CEP85L: variants seen among roughly 807,000 people sequenced by gnomAD.
CEP85L encodes centrosomal protein of 85 kDa-like.
CEP85L carries 60 observed loss-of-function variants against 100.3 expected under a neutral mutation model. The observed-to-expected ratio is 0.60, with a 90% CI of 0.49 to 0.74. The LOEUF (loss-of-function observed/expected upper bound fraction) is 0.74, where lower values mean the gene tolerates loss of function less well. Among genes scored for constraint, CEP85L ranks in the 30% least tolerant of loss-of-function variants. The pLI is 0.00. For missense variants in CEP85L, 973 were observed against 936.2 expected, an observed-to-expected ratio of 1.04 and a Z score of -0.51; for synonymous variants, 319 against 322.7, an observed-to-expected ratio of 0.99 and a Z score of 0.12.
chr6:118,511,228 T>C (rs755860566), intron 5 of CEP85L, 70 bp downstream of exon 5: 52 of 911,710 alleles, frequency 5.7e-5, no homozygotes, highest in Non-Finnish European at 8.9e-5. Context: ...TGTCCTTATA[T>C]TACAAGGTAA....
intron 8 of CEP85L, 49 bp downstream of exon 8, chr6:118,481,730 T>C: frequency 3.6e-6 from 4 of 1,100,566 alleles, no homozygotes; most frequent in South Asian, 3.7e-5. Flanking sequence ...AAATGTTTTA[T>C]GAAAAATACG....
intron 1 of CEP85L, among the ~76,000 whole-genome samples, chr6:118,634,389 A>C (rs1774357246): frequency 6.6e-6 from 1 of 152,228 alleles, no homozygotes; most frequent in South Asian, 2.1e-4. Flanking sequence ...ACTTTTAATA[A>C]AACATTGTCA....
At chr6:118,709,556 TGAGA>T (rs150548831) in intron 1 of CEP85L, among the ~76,000 whole-genome samples, 25 of 142,302 alleles carry the variant, frequency 1.8e-4, no homozygotes, top group Middle Eastern at 3.5e-3. Context: ...TGTGTGTGTG[TGAGA>T]GAGAGAGAGA....
chr6:118,499,378 A>G (rs1775126983), intron 5 of CEP85L, among the ~76,000 whole-genome samples: 1 of 152,002 alleles, frequency 6.6e-6, no homozygotes, highest in Admixed American at 6.5e-5. Flanking sequence ...ATGATTAAAA[A>G]CTCTTGGCCA....
intron 3 of CEP85L, among the ~76,000 whole-genome samples, chr6:118,561,375 T>C (rs1439519407): frequency 6.6e-6 from 1 of 152,144 alleles, no homozygotes. Context: ...AATAACTAAT[T>C]TTTTTGTTCT....
At chr6:118,549,236 A>C (rs545484751) in intron 3 of CEP85L, among the ~76,000 whole-genome samples, 1 of 152,004 alleles carries the variant, frequency 6.6e-6, no homozygotes, top group South Asian at 2.1e-4. Flanking sequence ...TAGTTTTGTC[A>C]AGTTATTATC....
chr6:118,545,926 TA>T (rs1436295297), intron 3 of CEP85L, among the ~76,000 whole-genome samples: 2 of 152,164 alleles, frequency 1.3e-5, no homozygotes, highest in Non-Finnish European at 2.9e-5. Context: ...GTTATTTGTA[TA>T]AAGCCATGTG....
intron 1 of CEP85L, among the ~76,000 whole-genome samples, chr6:118,706,366 G>C (rs1777592901): frequency 6.6e-6 from 1 of 152,154 alleles, no homozygotes; most frequent in Admixed American, 6.5e-5. Context: ...GTCAAGACCT[G>C]TTGATATTCT....
intron 2 of CEP85L, among the ~76,000 whole-genome samples, chr6:118,603,056 A>T (rs941353624): frequency 6.6e-6 from 1 of 152,098 alleles, no homozygotes; most frequent in Non-Finnish European, 1.5e-5. Context: ...TCCTGACCTC[A>T]TGATCCACCC....
chr6:118,701,341 C>T (rs1777398234), intron 1 of CEP85L, among the ~76,000 whole-genome samples: 1 of 152,198 alleles, frequency 6.6e-6, no homozygotes, highest in African/African-American at 2.4e-5. Context: ...CACCACAGCA[C>T]TATTCACAAT....
intron 5 of CEP85L, among the ~76,000 whole-genome samples, chr6:118,495,152 A>T (rs1024043341): frequency 6.6e-6 from 1 of 151,922 alleles, no homozygotes; most frequent in South Asian, 2.1e-4. Flanking sequence ...AAAAAACAAC[A>T]TGCCTTGTTT....
chr6:118,594,885 A>C (rs1384867433), intron 2 of CEP85L, among the ~76,000 whole-genome samples: 1 of 151,770 alleles, frequency 6.6e-6, no homozygotes, highest in African/African-American at 2.4e-5. Flanking sequence ...ACAAAACAAA[A>C]AAAAAAAACC....
intron 2 of CEP85L, among the ~76,000 whole-genome samples, chr6:118,628,642 AAAC>A (rs1773954753): frequency 7.1e-5 from 1 of 14,146 alleles, no homozygotes; most frequent in Non-Finnish European, 2.4e-4. Context: ...CCAAAAAAAC[AAAC>A]AAACAAACAA....
chr6:118,680,910 T>G (rs947402601), intron 1 of CEP85L, among the ~76,000 whole-genome samples: 2 of 151,024 alleles, frequency 1.3e-5, no homozygotes. Flanking sequence ...GACTCTAAAG[T>G]GCCTGACTAA....
chr6:118,469,016 T>G lies in CEP85L; in HGVS notation c.2254+56A>C. Reference sequence around the variant, plus strand: ...GAAAAGGCAGTCGGAAGTTCCTGATTCATGAAGATAGGTTTCTAATTGCCA... The same window carrying G: ...GAAAAGGCAGTCGGAAGTTCCTGATGCATGAAGATAGGTTTCTAATTGCCA... On this transcript the variant is annotated intron_variant, in intron 12 of 12. Coordinates refer to ENST00000368491, the MANE Select transcript of CEP85L (RefSeq NM_001042475.3). The G allele has an allele frequency of 3.3e-6, 4 of 1,195,086 alleles. No homozygotes were observed. The Admixed American group carries it at 7.1e-5, about 21-fold the overall frequency. The allele number at this position is 1,195,086 out of a possible 1,614,324, so 74.0% of individuals were successfully genotyped here.
At chr6:118,508,199 T>C (rs1201102840) in intron 5 of CEP85L, among the ~76,000 whole-genome samples, 1 of 151,842 alleles carries the variant, frequency 6.6e-6, no homozygotes, top group African/African-American at 2.4e-5. Flanking sequence ...TAAATGTTCA[T>C]TAGTACAGAC....
At position 118,651,198 on chromosome 6, in the gene CEP85L, G is replaced by A. The variant is rs1174225535; in HGVS notation, c.72C>T (p.Ala24=). The A allele has an allele frequency of 1.3e-6, 2 of 1,495,074 alleles. No homozygotes were observed. Among genetic ancestry groups the A allele is most frequent in the Non-Finnish European group, 8.9e-7 (1 of 1,129,018 alleles). The allele number at this position is 1,495,074 out of a possible 1,614,324, so 92.6% of individuals were successfully genotyped here. A position where few individuals can be genotyped will look rare whatever the true frequency, so the allele number is the denominator to read the frequency against. ...DSPGGARSFP[A]GPDYSSAWLP... Reference sequence around the variant, plus strand: ...CCGGGGCGCTGTCCCGTTCCTTACCGGCAGGGAAGCTGCGGGCTCCGCCGG... The same window carrying A: ...CCGGGGCGCTGTCCCGTTCCTTACCAGCAGGGAAGCTGCGGGCTCCGCCGG... Residue 24 remains alanine (A), a splice_region_variant and synonymous_variant, in exon 1 of 13, where the codon GCC becomes GCT. Coordinates refer to ENST00000368491, the MANE Select transcript of CEP85L (RefSeq NM_001042475.3).
At position 118,491,856 on chromosome 6, in the gene CEP85L, C is replaced by T. The variant is rs1774597166; in HGVS notation, c.1267G>A (p.Glu423Lys). The T allele has an allele frequency of 1.3e-6, 2 of 1,587,702 alleles. No individual in the cohort carries two copies. Among genetic ancestry groups the T allele is most frequent in the Non-Finnish European group, 1.7e-6 (2 of 1,170,142 alleles). The change falls in exon 6 of 13, where the codon GAG becomes AAG. Residue 423 changes from glutamate (E) to lysine (K), a missense_variant. Physicochemically the swap from Glu to Lys is moderately conservative, Grantham distance 56. Transcript: ENST00000368491. ...SYVASLQPQY[E>K]NTSLQTPFSE... ...AATGGTGTCTGGAGTGAAGTGTTCT[C>T]ATATTGTGGCTGTTAGGAAAGAAAA...
At chr6:118,673,123 C>A (rs1397080989) in intron 1 of CEP85L, among the ~76,000 whole-genome samples, 1 of 151,952 alleles carries the variant, frequency 6.6e-6, no homozygotes, top group African/African-American at 2.4e-5. Context: ...GGGGGCAGGA[C>A]AAGTATAGGA....
Sources: gnomAD v4.1 joint callset for allele counts (sites outside exome capture counted in the v4.1 genomes callset) on GRCh38, gnomAD v4.1.1 for gene constraint, MANE v1.5 for transcripts, NCBI Gene and HGNC (gene_info 2026-07-23, HGNC 2026-07-21) for gene names.